COLEC12: variants seen among roughly 807,000 people sequenced by gnomAD.
COLEC12 encodes collectin subfamily member 12.
In COLEC12, 33 loss-of-function variants were observed where a neutral mutation model predicts 71.1. The observed-to-expected ratio is 0.46, with a 90% CI of 0.35 to 0.62. The LOEUF is 0.62. COLEC12 is among the 20% of genes least tolerant of loss of function. COLEC12 has a pLI of 0.00. For missense variants in COLEC12, 765 were observed against 916.1 expected (o/e 0.84, Z 2.13); for synonymous variants, 350 against 353.0 (o/e 0.99, Z 0.10).
intron 1 of COLEC12, among the ~76,000 whole-genome samples, chr18:494,534 C>G (rs1476717239): frequency 6.6e-6 from 1 of 152,128 alleles, no homozygotes; most frequent in Non-Finnish European, 1.5e-5. Flanking sequence ...CTGAGGTCCC[C>G]AGGCTCTCTT....
In COLEC12 at chr18:318,921, C is replaced by G. The variant is rs1356874882; in HGVS notation, c.*1124G>C. 1 of 152,070 alleles carries G rather than the reference C, an allele frequency of 6.6e-6. No homozygotes were observed. The highest frequency in any genetic ancestry group is 1.5e-5 in the Non-Finnish European group (1 of 68,024). The allele number at this position is 152,070 out of a possible 1,614,324, so 9.4% of individuals were successfully genotyped here. A position where few individuals can be genotyped will look rare whatever the true frequency, so the allele number is the denominator to read the frequency against. ...ACAAACTTTCCAGGTAACACGTAGC[C>G]GGTTCCCATCTTTCTAGCATCTCTG... On this transcript the variant is annotated 3_prime_UTR_variant, in exon 10 of 10. Transcript: ENST00000400256.
At chr18:401,098 C>CA (rs1915675984) in intron 2 of COLEC12, among the ~76,000 whole-genome samples, 1 of 152,168 alleles carries the variant, frequency 6.6e-6, no homozygotes, top group African/African-American at 2.4e-5. Flanking sequence ...CTCATAACAG[C>CA]ATGAGAAGGC....
At chr18:497,578 T>C (rs1225367848) in intron 1 of COLEC12, among the ~76,000 whole-genome samples, 1 of 152,204 alleles carries the variant, frequency 6.6e-6, no homozygotes, top group Non-Finnish European at 1.5e-5. Flanking sequence ...ATAATTTTTG[T>C]ATTTTTTAGT....
At chr18:456,112 G>C (rs1237928261) in intron 2 of COLEC12, among the ~76,000 whole-genome samples, 1 of 152,134 alleles carries the variant, frequency 6.6e-6, no homozygotes, top group East Asian at 1.9e-4. Context: ...ACCTTCTATG[G>C]AGCATTTTAC....
At chr18:432,931 CAT>C (rs1394448017) in intron 2 of COLEC12, among the ~76,000 whole-genome samples, 1 of 152,146 alleles carries the variant, frequency 6.6e-6, no homozygotes, top group African/African-American at 2.4e-5. Flanking sequence ...TCTTTTTTCA[CAT>C]GTGTCACTGA....
At chr18:488,891 A>AAG (rs1917569610) in intron 1 of COLEC12, among the ~76,000 whole-genome samples, 1 of 149,232 alleles carries the variant, frequency 6.7e-6, no homozygotes, top group Non-Finnish European at 1.5e-5. Context: ...GAAAAAAAAA[A>AAG]GAAAAGAAAA....
intron 2 of COLEC12, among the ~76,000 whole-genome samples, chr18:436,813 C>T (rs962086571): frequency 3.3e-5 from 5 of 152,026 alleles, no homozygotes; most frequent in African/African-American, 9.7e-5. Context: ...TGCCAAGTTT[C>T]GAGGCCAAGG....
Position 399,925 on chromosome 18 carries a change from C to T in COLEC12, c.59-42403G>A, listed in dbSNP as rs746285145. ...AGTTTTTGGCTTGATCCTCAGACAACGCTTGTTAAAGGGTGGTGGGGGCGG... is the reference window on the plus strand; with the variant it reads ...AGTTTTTGGCTTGATCCTCAGACAATGCTTGTTAAAGGGTGGTGGGGGCGG... On this transcript the variant is annotated intron_variant, in intron 2 of 9. Transcript: ENST00000400256. This position sits in a 1 kb window ranked among gnomAD's most constrained non-coding sequence, Gnocchi z 4.0. Among the ~76,000 whole-genome samples the T allele has an allele frequency of 6.6e-6, 1 of 151,946 alleles. No homozygotes were observed. The highest frequency in any genetic ancestry group is 1.5e-5 in the Non-Finnish European group (1 of 67,988).
chr18:500,588 C>A lies in COLEC12; in HGVS notation c.-74G>T, dbSNP rs1917805359. The A allele has an allele frequency of 2.6e-6, 3 of 1,175,376 alleles. No homozygotes were observed. The highest frequency in any genetic ancestry group is 8.4e-5 in the South Asian group (2 of 23,766). 72.8% of individuals were successfully genotyped at this position (1,175,376 alleles called of 1,614,324 possible). A position where few individuals can be genotyped will look rare whatever the true frequency, so the allele number is the denominator to read the frequency against. On this transcript the variant is annotated 5_prime_UTR_variant, in exon 1 of 10. Coordinates refer to ENST00000400256, the MANE Select transcript of COLEC12 (RefSeq NM_130386.3). This position sits in a 1 kb window ranked among gnomAD's most constrained non-coding sequence, Gnocchi z 5.3. Reference sequence around the variant, plus strand: ...GCGCAGCCGAGGAAGTCGTCCCGAGCGGCTGCTCACCGCACGCCCATGGTA... The same window carrying A: ...GCGCAGCCGAGGAAGTCGTCCCGAGAGGCTGCTCACCGCACGCCCATGGTA...
intron 2 of COLEC12, among the ~76,000 whole-genome samples, chr18:392,105 C>T (rs576129941): frequency 2.6e-5 from 4 of 152,284 alleles, no homozygotes; most frequent in East Asian, 1.9e-4. Flanking sequence ...CCTGTCTCTC[C>T]GTGAACAAAG....
At chr18:471,439 T>C (rs1917195381) in intron 2 of COLEC12, among the ~76,000 whole-genome samples, 2 of 151,950 alleles carry the variant, frequency 1.3e-5, no homozygotes, top group South Asian at 4.1e-4. Flanking sequence ...TGTTCATTCA[T>C]TCACTTCTCT....
intron 8 of COLEC12, among the ~76,000 whole-genome samples, chr18:324,696 G>C (rs1275996766): frequency 6.6e-6 from 1 of 152,050 alleles, no homozygotes; most frequent in African/African-American, 2.4e-5. Context: ...GGGCCTGGTG[G>C]CAGGTGCCCG....
chr18:480,686 C>T lies in COLEC12; in HGVS notation c.58+21G>A. 6.2e-7 allele frequency: 1 copy of T among 1,611,676 alleles called. No individual in the cohort carries two copies. Among genetic ancestry groups the T allele is most frequent in the South Asian group, 1.1e-5 (1 of 90,998 alleles). On this transcript the variant is annotated intron_variant, in intron 2 of 9. Coordinates refer to ENST00000400256, the MANE Select transcript of COLEC12 (RefSeq NM_130386.3). This position sits in a 1 kb window ranked among gnomAD's most constrained non-coding sequence, Gnocchi z 4.1. ...TCCCAGGTTGACCACTGAGAAGGAA[C>T]ACAGCTTTGTTAGGACTCACCAAAC...
intron 2 of COLEC12, among the ~76,000 whole-genome samples, chr18:368,447 G>A (rs1376129069): frequency 6.6e-6 from 1 of 152,126 alleles, no homozygotes; most frequent in South Asian, 2.1e-4. Flanking sequence ...AGTGGCACAT[G>A]CCTGTAGTCC....
chr18:428,187 C>G (rs1361107111), intron 2 of COLEC12, among the ~76,000 whole-genome samples: 1 of 151,950 alleles, frequency 6.6e-6, no homozygotes, highest in Non-Finnish European at 1.5e-5. Flanking sequence ...TCACTTGAAC[C>G]CAAGAGGTGG....
intron 3 of COLEC12, among the ~76,000 whole-genome samples, chr18:348,989 T>A (rs1409966849): frequency 6.6e-6 from 1 of 152,116 alleles, no homozygotes; most frequent in Non-Finnish European, 1.5e-5. Context: ...CCTATACTGT[T>A]CTGGTGGTAG....
intron 2 of COLEC12, among the ~76,000 whole-genome samples, chr18:406,668 C>G (rs938218978): frequency 6.6e-6 from 1 of 152,220 alleles, no homozygotes; most frequent in Admixed American, 6.5e-5. Flanking sequence ...TGTGTGAGAT[C>G]CAAGAACCTT....
intron 2 of COLEC12, among the ~76,000 whole-genome samples, chr18:384,627 G>A (rs182751232): frequency 3.9e-5 from 6 of 152,296 alleles, no homozygotes; most frequent in Admixed American, 3.3e-4. Flanking sequence ...TGCTGTGCAC[G>A]TAAGCTAGAG....
intron 2 of COLEC12, among the ~76,000 whole-genome samples, chr18:473,823 G>A (rs1567918999): frequency 6.6e-6 from 1 of 152,072 alleles, no homozygotes; most frequent in Non-Finnish European, 1.5e-5. Context: ...GAGCTGAGTA[G>A]ATTTTTTTTT....
Sources: gnomAD v4.1 joint callset for allele counts (sites outside exome capture counted in the v4.1 genomes callset) on GRCh38, gnomAD v4.1.1 for gene constraint, Gnocchi (gnomAD v3.1) non-coding constraint, MANE v1.5 for transcripts, NCBI Gene and HGNC (gene_info 2026-07-23, HGNC 2026-07-21) for gene names.